The following KLF13 variants were observed in gnomAD, a reference collection of about 807,000 sequenced individuals.
KLF13 encodes the protein Krueppel-like factor 13.
Under a neutral mutation model 16.7 loss-of-function variants are expected in KLF13, and 8 were observed. The observed-to-expected ratio is 0.48, with a 90% CI of 0.28 to 0.87. The LOEUF is 0.87. Ranked by LOEUF, KLF13 falls within the 40% of genes least tolerant of loss-of-function variation. The probability of loss-of-function intolerance (pLI) is 0.10; values close to 1 mark genes in which losing one functional copy is unlikely to be tolerated. For missense variants in KLF13, 447 were observed against 452.2 expected (o/e 0.99, Z 0.10); for synonymous variants, 245 against 208.4 (o/e 1.18, Z -1.51).
chr15:31,428,725 A>G (rs1165282020), intron 1 of KLF13, among the ~76,000 whole-genome samples: 4 of 145,080 alleles, frequency 2.8e-5, no homozygotes, highest in African/African-American at 5.1e-5. Flanking sequence ...GGAGAATGGC[A>G]TGAACCCAGG....
intron 1 of KLF13, among the ~76,000 whole-genome samples, chr15:31,331,352 ATT>A: frequency 6.6e-6 from 1 of 152,142 alleles, no homozygotes; most frequent in Non-Finnish European, 1.5e-5. Context: ...TCTGTCAGCC[ATT>A]TCCTGTGATA....
intron 1 of KLF13, among the ~76,000 whole-genome samples, chr15:31,359,426 A>G (rs2039348591): frequency 6.6e-6 from 1 of 152,214 alleles, no homozygotes; most frequent in Non-Finnish European, 1.5e-5. Flanking sequence ...TGGTTCATGC[A>G]AACTAGTGCT....
intron 1 of KLF13, among the ~76,000 whole-genome samples, chr15:31,348,832 C>T (rs566188455): frequency 8.5e-5 from 13 of 152,228 alleles, no homozygotes; most frequent in African/African-American, 2.9e-4. Context: ...AAGATTAAGG[C>T]GCTGGCAGAT....
downstream of KLF13, among the ~76,000 whole-genome samples, chr15:31,409,488 A>G (rs1272703861): frequency 6.6e-6 from 1 of 152,016 alleles, no homozygotes; most frequent in East Asian, 1.9e-4. Flanking sequence ...CAAGAAGCTT[A>G]GATAACACCA....
chr15:31,426,100 C>A (rs1280249138), intron 1 of KLF13, among the ~76,000 whole-genome samples: 1 of 152,140 alleles, frequency 6.6e-6, no homozygotes, highest in East Asian at 1.9e-4. Context: ...CATCTGAAAC[C>A]ACCTCAGCCT....
intron 1 of KLF13, among the ~76,000 whole-genome samples, chr15:31,368,635 C>G (rs2140963787): frequency 6.6e-6 from 1 of 152,272 alleles, no homozygotes; most frequent in Non-Finnish European, 1.5e-5. Flanking sequence ...AGACAGATCA[C>G]TTGAGGTCAG....
chr15:31,363,349 T>G (rs764609383), intron 1 of KLF13, among the ~76,000 whole-genome samples: 7 of 152,266 alleles, frequency 4.6e-5, no homozygotes, highest in Non-Finnish European at 7.3e-5. Flanking sequence ...TCCTGTGAGC[T>G]CTTTCTGTAT....
chr15:31,425,889 A>T (rs1595515651), intron 1 of KLF13, among the ~76,000 whole-genome samples: 2 of 152,320 alleles, frequency 1.3e-5, no homozygotes, highest in Admixed American at 1.3e-4. Context: ...AAAAGAAAAA[A>T]AATCTAAATG....
upstream of KLF13, among the ~76,000 whole-genome samples, chr15:31,392,079 CG>C: frequency 6.6e-6 from 1 of 152,100 alleles, no homozygotes; most frequent in South Asian, 2.1e-4. Flanking sequence ...CCCCGACCCC[CG>C]GGTCGCGGTC....
chr15:31,328,840 C>T (rs1566798781), intron 1 of KLF13, among the ~76,000 whole-genome samples: 3 of 152,168 alleles, frequency 2.0e-5, no homozygotes, highest in African/African-American at 7.2e-5. Context: ...TTCCTCTGAG[C>T]TCACGTGAGT....
chr15:31,410,612 C>T (rs907573862), intron 1 of KLF13, among the ~76,000 whole-genome samples: 39 of 87,352 alleles, frequency 4.5e-4, no homozygotes, highest in African/African-American at 1.2e-3. Context: ...CACACACACA[C>T]ACACACACAC....
chr15:31,423,041 A>G (rs753462119), intron 1 of KLF13, among the ~76,000 whole-genome samples: 4 of 149,382 alleles, frequency 2.7e-5, no homozygotes, highest in Non-Finnish European at 4.4e-5. Flanking sequence ...TCTCAAATAA[A>G]AAAAAGCAAG....
intron 2 of KLF13, among the ~76,000 whole-genome samples, chr15:31,397,168 G>A (rs2039963163): frequency 6.6e-6 from 1 of 150,402 alleles, no homozygotes; most frequent in Admixed American, 6.6e-5. Context: ...GGGCAAAGGG[G>A]GGTTGGGAAC....
chr15:31,351,696 C>T (rs944804106), intron 1 of KLF13, among the ~76,000 whole-genome samples: 3 of 152,152 alleles, frequency 2.0e-5, no homozygotes, highest in Non-Finnish European at 2.9e-5. Context: ...GGAGAGTGGG[C>T]GGGTGGCTGT....
At position 31,423,142 on chromosome 15, in the gene KLF13, T is replaced by TATATACGTATATATAC; in HGVS notation, n.118-12227_118-12226insTATACGTATATATACA. ...ATATACGTATATATACGTATACGTA[T>TATATACGTATATATAC]ACGTATATATACGTATATATATGTA... On this transcript the variant is annotated intron_variant and non_coding_transcript_variant, in intron 1 of 1. Coordinates refer to the KLF13 transcript ENST00000558225. Among the ~76,000 whole-genome samples the TATATACGTATATATAC allele has an allele frequency of 1.5e-4, 15 of 101,850 alleles. 3 individuals carry two copies. The highest frequency in any genetic ancestry group is 1.1e-3 in the African/African-American group (15 of 13,262). 66.8% of individuals were successfully genotyped at this position (101,850 alleles called of 152,430 possible).
intron 1 of KLF13, among the ~76,000 whole-genome samples, chr15:31,433,392 G>A (rs1295643183): frequency 1.5e-4 from 23 of 152,100 alleles, no homozygotes; most frequent in Non-Finnish European, 1.5e-5. Context: ...GCTGTGTTTT[G>A]CCAGCTCTCT....
At chr15:31,367,029 G>A (rs1034939085) in intron 1 of KLF13, among the ~76,000 whole-genome samples, 1 of 152,226 alleles carries the variant, frequency 6.6e-6, no homozygotes, top group Non-Finnish European at 1.5e-5. Context: ...TTTCTAATAC[G>A]ATGAAAGCAG....
chr15:31,334,253 C>G (rs2038888340), intron 1 of KLF13, among the ~76,000 whole-genome samples: 1 of 152,176 alleles, frequency 6.6e-6, no homozygotes, highest in Non-Finnish European at 1.5e-5. Context: ...TGAGTGTGTT[C>G]TTGGTCAGCC....
downstream of KLF13, chr15:31,377,970 A>T (rs1422573634): frequency 1.3e-5 from 2 of 152,238 alleles, no homozygotes; most frequent in Non-Finnish European, 2.9e-5. Context: ...ACTGAAATGC[A>T]CAAACTCAAG....
Sources: gnomAD v4.1 joint callset for allele counts (sites outside exome capture counted in the v4.1 genomes callset) on GRCh38, gnomAD v4.1.1 for gene constraint, MANE v1.5 for transcripts, NCBI Gene and HGNC (gene_info 2026-07-23, HGNC 2026-07-21) for gene names.